The following PDE12 variants were observed in gnomAD, a reference collection of about 807,000 sequenced individuals.
PDE12 encodes 2',5'-phosphodiesterase 12.
A neutral mutation model predicts 45.4 loss-of-function variants in PDE12; 26 were observed. That is an observed-to-expected ratio of 0.57 (90% CI 0.42 to 0.79). The LOEUF is 0.79. PDE12 is among the 30% of genes least tolerant of loss of function. PDE12 has a pLI of 0.00. For synonymous variants in PDE12, 283 were observed against 323.9 expected, an observed-to-expected ratio of 0.87 and a Z score of 1.36; for missense variants, 668 against 790.0, an observed-to-expected ratio of 0.85 and a Z score of 1.85.
Position 57,559,316 on chromosome 3 carries a change from G to C in PDE12, c.1315G>C (p.Val439Leu), listed in dbSNP as rs752077364. The change falls in exon 2 of 3, where the codon GTT (valine) becomes CTT (leucine). Residue 439 changes from valine to leucine, a missense_variant. Physicochemically the swap from Val to Leu is conservative, Grantham distance 32. Coordinates refer to ENST00000311180, the MANE Select transcript of PDE12 (RefSeq NM_177966.7). ...LQRSSVLQVS[V>L]LQSTKDSSKR... ...CACTTTCCGTTTATTTTAGGTTTCA[G>C]TTCTTCAGTCTACAAAGGACTCTTC... 4 of 1,607,780 alleles carry C rather than the reference G, an allele frequency of 2.5e-6. No individual in the cohort carries two copies. The Admixed American group carries it at 6.8e-5, about 27-fold the overall frequency.
Position 57,556,322 on chromosome 3 carries a change from C to T in PDE12, c.-58C>T, listed in dbSNP as rs1176048155. 3 of 1,488,332 alleles carry T rather than the reference C, an allele frequency of 2.0e-6. No homozygotes were observed. Among genetic ancestry groups the T allele is most frequent in the Non-Finnish European group, 2.7e-6 (3 of 1,116,350 alleles). The allele number at this position is 1,488,332 out of a possible 1,614,324, so 92.2% of individuals were successfully genotyped here. ...CGGCGGCCTCGGCTCCTCAGCTCCA[C>T]CTGACAGTAGGCCGCTGATCGGCCG... On this transcript the variant is annotated 5_prime_UTR_variant, in exon 1 of 3. Coordinates refer to ENST00000311180, the MANE Select transcript of PDE12 (RefSeq NM_177966.7). The surrounding 1 kb of genome is among the most constrained non-coding windows in gnomAD (Gnocchi z 5.0).
the PDE12 span, chr3:57,630,885 T>C: frequency 6.2e-7 from 1 of 1,610,748 alleles, no homozygotes; most frequent in Admixed American, 1.7e-5. Context: ...AGAAGTTAAT[T>C]ACAGTTAGAG....
At chr3:57,572,902 G>C in the PDE12 span, among the ~76,000 whole-genome samples, 2 of 151,522 alleles carry the variant, frequency 1.3e-5, no homozygotes, top group African/African-American at 4.8e-5. Context: ...GCAAATTTTT[G>C]AAAGAGTAGG....
At chr3:57,585,242 A>C in the PDE12 span, among the ~76,000 whole-genome samples, 1 of 152,222 alleles carries the variant, frequency 6.6e-6, no homozygotes, top group Non-Finnish European at 1.5e-5. Flanking sequence ...TAAGATTTGT[A>C]AAAATATTTT....
the PDE12 span, among the ~76,000 whole-genome samples, chr3:57,579,796 C>T: frequency 6.6e-6 from 1 of 152,136 alleles, no homozygotes; most frequent in African/African-American, 2.4e-5. Flanking sequence ...AAAACCATCA[C>T]TTTAAATATC....
the PDE12 span, chr3:57,577,473 G>T: frequency 1.0e-6 from 1 of 1,001,340 alleles, no homozygotes; most frequent in Non-Finnish European, 1.6e-6. Flanking sequence ...GGTACCAATG[G>T]TTAGACATTA....
the PDE12 span, among the ~76,000 whole-genome samples, chr3:57,585,665 C>CTTTTTT: frequency 1.5e-5 from 2 of 137,078 alleles, no homozygotes; most frequent in Admixed American, 7.6e-5. Flanking sequence ...TATCTAAATT[C>CTTTTTT]TTTTTTTTTT....
At chr3:57,612,634 G>C in the PDE12 span, among the ~76,000 whole-genome samples, 1 of 151,966 alleles carries the variant, frequency 6.6e-6, no homozygotes, top group African/African-American at 2.4e-5. Context: ...AGTTGGGTGT[G>C]GTGGTGCACG....
At chr3:57,646,372 A>C in the PDE12 span, 1 of 1,614,056 alleles carries the variant, frequency 6.2e-7, no homozygotes, top group Non-Finnish European at 8.5e-7. Context: ...CCATAACCAC[A>C]AGGGGCTCCC....
At chr3:57,616,874 A>G in the PDE12 span, among the ~76,000 whole-genome samples, 4 of 151,912 alleles carry the variant, frequency 2.6e-5, no homozygotes, top group African/African-American at 4.8e-5. Flanking sequence ...AATACAAAAA[A>G]TTAGCTAGGC....
the PDE12 span, chr3:57,628,876 G>A: frequency 6.2e-7 from 1 of 1,612,688 alleles, no homozygotes; most frequent in Non-Finnish European, 8.5e-7. Flanking sequence ...TGGATCCAGA[G>A]AAGTAAGTCC....
chr3:57,628,485 G>C, the PDE12 span: 1 of 1,218,386 alleles, frequency 8.2e-7, no homozygotes, highest in Non-Finnish European at 1.1e-6. Context: ...AACTAAAAAA[G>C]CAAGGAGCAT....
At chr3:57,606,059 G>GA in the PDE12 span, among the ~76,000 whole-genome samples, 2 of 152,074 alleles carry the variant, frequency 1.3e-5, no homozygotes, top group Non-Finnish European at 2.9e-5. Flanking sequence ...AAGAGGGACA[G>GA]AAAAAAATAT....
chr3:57,618,815 C>T, the PDE12 span, among the ~76,000 whole-genome samples: 1 of 151,478 alleles, frequency 6.6e-6, no homozygotes, highest in Non-Finnish European at 1.5e-5. Context: ...ACCATGTTGC[C>T]CAGGCTAGTC....
chr3:57,618,607 G>GTTGTTT, the PDE12 span, among the ~76,000 whole-genome samples: 1 of 79,406 alleles, frequency 1.3e-5, no homozygotes, highest in South Asian at 6.0e-4. Flanking sequence ...TTGCTTTTGT[G>GTTGTTT]TTTTTTTTTT....
At chr3:57,641,875 T>G in the PDE12 span, 1 of 645,238 alleles carries the variant, frequency 1.5e-6, no homozygotes, top group Non-Finnish European at 2.5e-6. Context: ...TTCAACACAT[T>G]ACATATCAAC....
chr3:57,631,841 G>C, the PDE12 span, among the ~76,000 whole-genome samples: 1 of 145,042 alleles, frequency 6.9e-6, no homozygotes, highest in African/African-American at 2.5e-5. Context: ...TCCTGCCTCA[G>C]CCTCCCGAGT....
At chr3:57,619,729 A>T in the PDE12 span, among the ~76,000 whole-genome samples, 2 of 152,002 alleles carry the variant, frequency 1.3e-5, no homozygotes, top group Admixed American at 1.3e-4. Context: ...GTGGGCCTGT[A>T]GTCCTAGCTA....
the PDE12 span, among the ~76,000 whole-genome samples, chr3:57,623,509 T>C: frequency 1.3e-5 from 2 of 152,090 alleles, no homozygotes; most frequent in Admixed American, 1.3e-4. Flanking sequence ...TGAAACCCCA[T>C]CTCGACTAAA....
Sources: allele counts gnomAD v4.1 joint callset (sites outside exome capture counted in the v4.1 genomes callset), GRCh38; gene constraint gnomAD v4.1.1; non-coding constraint Gnocchi (gnomAD v3.1); transcripts MANE v1.5; gene names NCBI Gene and HGNC (gene_info 2026-07-23, HGNC 2026-07-21).